The following XYLB variants were observed in gnomAD, a reference collection of about 807,000 sequenced individuals.
XYLB encodes xylulokinase.
Under a neutral mutation model 78.7 loss-of-function variants are expected in XYLB, and 62 were observed. The observed-to-expected ratio is 0.79, with a 90% CI of 0.64 to 0.97. XYLB has a LOEUF of 0.97. Ranked by LOEUF, XYLB falls within the 50% of genes least tolerant of loss-of-function variation. The probability of loss-of-function intolerance (pLI) is 0.00; values close to 1 mark genes in which losing one functional copy is unlikely to be tolerated. For synonymous variants in XYLB, 245 were observed against 247.4 expected (o/e 0.99, Z 0.09); for missense variants, 687 against 676.8 (o/e 1.02, Z -0.17).
chr3:38,403,629 A>G (rs933209914), intron 18 of XYLB, among the ~76,000 whole-genome samples: 35 of 152,172 alleles, frequency 2.3e-4, no homozygotes, highest in African/African-American at 8.2e-4. Context: ...CACACGCCCA[A>G]CAGGCTACCA....
chr3:38,401,740 T>A (rs889980109), intron 18 of XYLB, among the ~76,000 whole-genome samples: 5 of 152,168 alleles, frequency 3.3e-5, no homozygotes, highest in Admixed American at 1.3e-4. Context: ...GGCTGTCAGC[T>A]GAGGGCTCTC....
chr3:38,451,187 TCATGGTGAC>T, the XYLB span: 1 of 152,106 alleles, frequency 6.6e-6, no homozygotes, highest in Non-Finnish European at 1.5e-5. Context: ...AAGGAAGCAA[TCATGGTGAC>T]TGAGGGGCCC....
At chr3:38,433,206 C>T in the XYLB span, among the ~76,000 whole-genome samples, 3 of 152,336 alleles carry the variant, frequency 2.0e-5, no homozygotes, top group East Asian at 5.8e-4. Flanking sequence ...CCAAGCTGTA[C>T]CATGGCTGAA....
At chr3:38,427,687 A>G in the XYLB span, among the ~76,000 whole-genome samples, 1 of 152,026 alleles carries the variant, frequency 6.6e-6, no homozygotes, top group Admixed American at 6.6e-5. Flanking sequence ...TCCGCCTCCC[A>G]GTTCAAGCAA....
the XYLB span, among the ~76,000 whole-genome samples, chr3:38,429,059 C>T: frequency 4.6e-5 from 7 of 152,196 alleles, no homozygotes; most frequent in Non-Finnish European, 7.3e-5. Context: ...TGCTCAAGGT[C>T]ATTCGCCTTC....
downstream of XYLB, among the ~76,000 whole-genome samples, chr3:38,419,137 T>C (rs989394057): frequency 5.3e-5 from 8 of 152,186 alleles, no homozygotes; most frequent in South Asian, 2.1e-4. Context: ...AGTGGTATCA[T>C]ACATGTTTCC....
chr3:38,374,367 G>C (rs1024308574), intron 10 of XYLB, 95 bp from the exon 11 acceptor site: 17 of 1,575,014 alleles, frequency 1.1e-5, no homozygotes, highest in African/African-American at 6.7e-5. Flanking sequence ...GGGGGTTGGA[G>C]GTGGGGGCTC....
chr3:38,440,806 C>A, the XYLB span, among the ~76,000 whole-genome samples: 1 of 151,628 alleles, frequency 6.6e-6, no homozygotes, highest in Admixed American at 6.6e-5. Flanking sequence ...ACTTCTATCT[C>A]TCTCTCTTTC....
chr3:38,440,499 G>A, the XYLB span, among the ~76,000 whole-genome samples: 7 of 152,142 alleles, frequency 4.6e-5, no homozygotes, highest in African/African-American at 1.4e-4. Flanking sequence ...AGCTTTGGAG[G>A]AACCATCTAT....
At chr3:38,410,879 C>G (rs1203157743) in intron 18 of XYLB, among the ~76,000 whole-genome samples, 7 of 151,824 alleles carry the variant, frequency 4.6e-5, no homozygotes, top group African/African-American at 9.7e-5. Flanking sequence ...AGTCAGGAAA[C>G]AACAGGTGCT....
At chr3:38,361,191 C>G (rs530576673) in intron 3 of XYLB, among the ~76,000 whole-genome samples, 11 of 152,290 alleles carry the variant, frequency 7.2e-5, no homozygotes, top group African/African-American at 2.4e-4. Context: ...TGCTGAGGAT[C>G]AACAGGAAAG....
At chr3:38,355,717 A>AT in intron 2 of XYLB, 1 of 703,332 alleles carries the variant, frequency 1.4e-6, no homozygotes, top group Non-Finnish European at 2.6e-6. Flanking sequence ...CTTTTCTCCC[A>AT]TTTTTGGCTG....
At chr3:38,348,156 AGACATG>A (rs1705171130) in intron 1 of XYLB, among the ~76,000 whole-genome samples, 1 of 152,242 alleles carries the variant, frequency 6.6e-6, no homozygotes, top group Non-Finnish European at 1.5e-5. Flanking sequence ...AGGCCTCTGC[AGACATG>A]GATCCCCAGA....
At position 38,413,087 on chromosome 3, in the gene XYLB, A is replaced by T; in HGVS notation, c.*74A>T. 1 of 1,432,250 alleles carries T rather than the reference A, an allele frequency of 7.0e-7. No individual in the cohort carries two copies. The highest frequency in any genetic ancestry group is 9.5e-7 in the Non-Finnish European group (1 of 1,057,274). The allele number at this position is 1,432,250 out of a possible 1,614,324, so 88.7% of individuals were successfully genotyped here. ...GTCGACATGGCCCCAGACAGGAGGGATCCACTTCTCTGTTCTGAACAGCTC... is the reference window on the plus strand; with the variant it reads ...GTCGACATGGCCCCAGACAGGAGGGTTCCACTTCTCTGTTCTGAACAGCTC... On this transcript the variant is annotated 3_prime_UTR_variant, in exon 19 of 19. Transcript: ENST00000207870.
rs1708664125 is a variant in XYLB, at chr3:38,413,079, C to G, written c.*66C>G. The G allele has an allele frequency of 2.7e-6, 4 of 1,456,278 alleles. No individual in the cohort carries two copies. In the South Asian group the frequency reaches 5.2e-5, roughly 19 times the overall value. The allele number at this position is 1,456,278 out of a possible 1,614,324, so 90.2% of individuals were successfully genotyped here. On this transcript the variant is annotated 3_prime_UTR_variant, in exon 19 of 19. Coordinates refer to ENST00000207870, the MANE Select transcript of XYLB (RefSeq NM_005108.4). ...CCCCATTTGTCGACATGGCCCCAGA[C>G]AGGAGGGATCCACTTCTCTGTTCTG...
At chr3:38,387,977 A>G (rs1256849775) in intron 15 of XYLB, among the ~76,000 whole-genome samples, 3 of 151,442 alleles carry the variant, frequency 2.0e-5, no homozygotes, top group African/African-American at 7.3e-5. Context: ...TTAAAATGCT[A>G]TTTAATTTTG....
the XYLB span, among the ~76,000 whole-genome samples, chr3:38,445,381 C>T: frequency 6.6e-6 from 1 of 152,244 alleles, no homozygotes; most frequent in Non-Finnish European, 1.5e-5. Flanking sequence ...GGAACAGAGT[C>T]ATGAAATTTA....
the XYLB span, among the ~76,000 whole-genome samples, chr3:38,427,389 A>G: frequency 4.6e-5 from 7 of 152,182 alleles, no homozygotes; most frequent in Non-Finnish European, 1.0e-4. Context: ...ACTTGTTTAA[A>G]TATTCCTTTA....
At chr3:38,348,516 A>G (rs1195617964) in intron 1 of XYLB, 34 bp from the exon 2 acceptor site, 3 of 1,608,008 alleles carry the variant, frequency 1.9e-6, no homozygotes, top group Non-Finnish European at 2.6e-6. Context: ...AGCTGAGGAA[A>G]ATTCTACACT....
Sources: gnomAD v4.1 joint callset for allele counts (sites outside exome capture counted in the v4.1 genomes callset) on GRCh38, gnomAD v4.1.1 for gene constraint, MANE v1.5 for transcripts, NCBI Gene and HGNC (gene_info 2026-07-23, HGNC 2026-07-21) for gene names.